Variants in NRXN3 observed in about 807,000 individuals in gnomAD.
The protein encoded by NRXN3 is neurexin 3, also known as neurexin III.
In NRXN3, 32 loss-of-function variants were observed where a neutral mutation model predicts 137.6. The observed-to-expected ratio is 0.23, with a 90% CI of 0.18 to 0.31. NRXN3 has a LOEUF of 0.31. NRXN3 is among the 10% of genes least tolerant of loss of function. The probability of loss-of-function intolerance (pLI) is 1.00; values close to 1 mark genes in which losing one functional copy is unlikely to be tolerated. For synonymous variants in NRXN3, 798 were observed against 784.5 expected (o/e 1.02, Z -0.29); for missense variants, 1,574 against 2,062.5 (o/e 0.76, Z 4.59).
At chr14:78,871,763 AC>A (rs2099101862) in intron 10 of NRXN3, among the ~76,000 whole-genome samples, 1 of 152,178 alleles carries the variant, frequency 6.6e-6, no homozygotes, top group Non-Finnish European at 1.5e-5. Context: ...ATCTACTCAG[AC>A]TTTTTATTGT....
chr14:79,030,704 G>GTTTATTGC (rs2099606970), intron 15 of NRXN3, among the ~76,000 whole-genome samples: 1 of 56,946 alleles, frequency 1.8e-5, no homozygotes, highest in African/African-American at 6.9e-5. Flanking sequence ...TTCTTTCCAT[G>GTTTATTGC]TTTATTGCTT....
chr14:79,559,411 T>C (rs1018563730), intron 16 of NRXN3, among the ~76,000 whole-genome samples: 2 of 152,056 alleles, frequency 1.3e-5, no homozygotes, highest in Non-Finnish European at 2.9e-5. Flanking sequence ...TCTCAGAGAA[T>C]AGGGAGACCC....
intron 10 of NRXN3, among the ~76,000 whole-genome samples, chr14:78,838,205 C>G (rs2099002291): frequency 6.6e-6 from 1 of 152,108 alleles, no homozygotes; most frequent in African/African-American, 2.4e-5. Context: ...TTTAAAAAGT[C>G]TTTAAAATAC....
chr14:78,768,542 A>G (rs2098716401), intron 8 of NRXN3, among the ~76,000 whole-genome samples: 1 of 152,204 alleles, frequency 6.6e-6, no homozygotes, highest in Non-Finnish European at 1.5e-5. Flanking sequence ...ACATGATAAG[A>G]AACAAGAAAA....
intron 19 of NRXN3, among the ~76,000 whole-genome samples, chr14:79,705,670 A>G (rs893798115): frequency 6.6e-6 from 1 of 152,016 alleles, no homozygotes; most frequent in African/African-American, 2.4e-5. Context: ...TGCCTGCAGC[A>G]GCCCTTCCCT....
chr14:78,674,427 G>A (rs1219051893), intron 6 of NRXN3, among the ~76,000 whole-genome samples: 2 of 152,150 alleles, frequency 1.3e-5, no homozygotes, highest in Non-Finnish European at 2.9e-5. Flanking sequence ...TAATAAAATT[G>A]AGAGATCCTT....
intron 4 of NRXN3, among the ~76,000 whole-genome samples, chr14:78,493,931 A>C (rs975606750): frequency 5.9e-5 from 9 of 152,206 alleles, no homozygotes; most frequent in Non-Finnish European, 1.2e-4. Flanking sequence ...CGCTGCAATG[A>C]TTTCTCAGCT....
chr14:78,741,344 A>G (rs1236647783), intron 8 of NRXN3, among the ~76,000 whole-genome samples: 5 of 152,190 alleles, frequency 3.3e-5, no homozygotes, highest in African/African-American at 9.7e-5. Flanking sequence ...CTTCAGCTCA[A>G]TGGAAAGGCA....
chr14:79,147,370 A>G (rs1369273788), intron 15 of NRXN3, among the ~76,000 whole-genome samples: 2 of 152,160 alleles, frequency 1.3e-5, no homozygotes, highest in Non-Finnish European at 2.9e-5. Context: ...CTTAATAGTC[A>G]AGTGACTGCA....
At chr14:78,569,850 T>A (rs1256166992) in intron 4 of NRXN3, among the ~76,000 whole-genome samples, 13 of 152,150 alleles carry the variant, frequency 8.5e-5, no homozygotes, top group Admixed American at 7.9e-4. Flanking sequence ...ACTCAAGCGA[T>A]CCTCCTGCCT....
chr14:78,244,419 G>C (rs970773447), intron 2 of NRXN3, among the ~76,000 whole-genome samples: 4 of 149,998 alleles, frequency 2.7e-5, no homozygotes, highest in African/African-American at 9.8e-5. Context: ...GACAGAGTGA[G>C]ACTGTCTCAA....
chr14:78,332,318 C>CTT, intron 4 of NRXN3, among the ~76,000 whole-genome samples: 1 of 124,678 alleles, frequency 8.0e-6, no homozygotes, highest in Non-Finnish European at 1.7e-5. Flanking sequence ...TTTTCTTCTT[C>CTT]TTTTTTTTTT....
chr14:78,583,602 A>G (rs1345381125), intron 4 of NRXN3, among the ~76,000 whole-genome samples: 4 of 152,208 alleles, frequency 2.6e-5, no homozygotes, highest in Admixed American at 2.0e-4. Context: ...ATTGGATCCT[A>G]ATGAGCATAG....
chr14:78,744,010 G>A lies in NRXN3; in HGVS notation c.2044+28871G>A, dbSNP rs2098595061. ...TTGTTTAGGTCTAAACTTTGGCCTT[G>A]GAAGGGCTTTTTATATAATCTAGTA... On this transcript the variant is annotated intron_variant, in intron 8 of 20. Coordinates refer to ENST00000335750, the MANE Select transcript of NRXN3 (RefSeq NM_001330195.2). Among the ~76,000 whole-genome samples, 3 of 152,134 alleles carry A rather than the reference G, an allele frequency of 2.0e-5. No homozygotes were observed. The South Asian group carries it at 6.2e-4, about 32-fold the overall frequency.
chr14:79,767,831 G>A (rs2099061272), intron 19 of NRXN3, among the ~76,000 whole-genome samples: 1 of 152,186 alleles, frequency 6.6e-6, no homozygotes, highest in South Asian at 2.1e-4. Flanking sequence ...CGCAGAAGAT[G>A]GGTGATTTCT....
At chr14:79,199,575 A>G (rs1204447206) in intron 15 of NRXN3, among the ~76,000 whole-genome samples, 2 of 152,256 alleles carry the variant, frequency 1.3e-5, no homozygotes, top group African/African-American at 4.8e-5. Context: ...TATGTTGAAC[A>G]ACATATGAGA....
intron 4 of NRXN3, among the ~76,000 whole-genome samples, chr14:78,607,747 C>T (rs1056544944): frequency 1.4e-4 from 22 of 152,154 alleles, no homozygotes; most frequent in African/African-American, 5.3e-4. Flanking sequence ...CTATTCTCCA[C>T]GATCTGTGTT....
At position 78,568,614 on chromosome 14, in the gene NRXN3, C is replaced by T. The variant is rs533997508; in HGVS notation, c.758-76506C>T. 6.5e-4 allele frequency among the ~76,000 whole-genome samples: 99 copies of T among 152,224 alleles called. 1 individual carries two copies. The highest frequency in any genetic ancestry group is 2.2e-3 in the African/African-American group (90 of 41,530). ...ACAACAGTATTGATTTTCTTTACAC[C>T]GATTATCTTGTTTGACTTAAGTAGA... is the stretch of plus-strand genomic sequence containing the variant. On this transcript the variant is annotated intron_variant, in intron 4 of 20. Coordinates refer to ENST00000335750, the MANE Select transcript of NRXN3 (RefSeq NM_001330195.2).
intron 15 of NRXN3, among the ~76,000 whole-genome samples, chr14:79,301,884 G>A (rs1453467243): frequency 6.6e-6 from 1 of 151,970 alleles, no homozygotes; most frequent in Non-Finnish European, 1.5e-5. Flanking sequence ...ATTCTGAAGA[G>A]GGAAGGAGAA....
Sources: gnomAD v4.1 joint callset for allele counts (sites outside exome capture counted in the v4.1 genomes callset) on GRCh38, gnomAD v4.1.1 for gene constraint, MANE v1.5 for transcripts, NCBI Gene and HGNC (gene_info 2026-07-23, HGNC 2026-07-21) for gene names.